Variants in ACMSD observed in about 807,000 individuals in gnomAD.
The protein encoded by ACMSD is aminocarboxymuconate semialdehyde decarboxylase, also known as 2-amino-3-carboxymuconate-6-semialdehyde decarboxylase.
Under a neutral mutation model 45.9 loss-of-function variants are expected in ACMSD, and 37 were observed. That is an observed-to-expected ratio of 0.81 (90% CI 0.62 to 1.06). The LOEUF is 1.06. Among genes scored for constraint, ACMSD ranks in the 50% least tolerant of loss-of-function variants. The pLI, the probability that ACMSD is intolerant of heterozygous loss-of-function variation, is 0.00. For missense variants in ACMSD, 434 were observed against 420.9 expected (o/e 1.03, Z -0.27); for synonymous variants, 138 against 148.8 (o/e 0.93, Z 0.53).
intron 9 of ACMSD, among the ~76,000 whole-genome samples, chr2:134,899,606 C>T (rs1248550244): frequency 6.6e-6 from 1 of 151,888 alleles, no homozygotes; most frequent in Non-Finnish European, 1.5e-5. Flanking sequence ...TTATTACATG[C>T]CTTTTATTGT....
chr2:134,888,050 C>T (rs945521610), intron 8 of ACMSD, among the ~76,000 whole-genome samples: 4 of 152,210 alleles, frequency 2.6e-5, no homozygotes, highest in Non-Finnish European at 5.9e-5. Context: ...AACACTTTAG[C>T]TCATCCTAAG....
At chr2:134,875,236 C>T (rs573758584) in intron 8 of ACMSD, among the ~76,000 whole-genome samples, 5 of 152,188 alleles carry the variant, frequency 3.3e-5, no homozygotes, top group Non-Finnish European at 5.9e-5. Flanking sequence ...CAGCAATCTG[C>T]CTGCCTCAAC....
chr2:134,876,033 C>T (rs944439898), intron 8 of ACMSD, among the ~76,000 whole-genome samples: 18 of 151,858 alleles, frequency 1.2e-4, no homozygotes, highest in African/African-American at 2.4e-4. Flanking sequence ...ATTTGTGTAG[C>T]GAAACATATC....
intron 7 of ACMSD, 123 bp from the exon 8 acceptor site, chr2:134,872,346 C>T: frequency 9.4e-7 from 1 of 1,063,720 alleles, no homozygotes; most frequent in African/African-American, 1.6e-5. Flanking sequence ...ATTCAGAACA[C>T]AATAGGTCCT....
intron 4 of ACMSD, chr2:134,862,972 G>A (rs1687916955): frequency 1.0e-6 from 1 of 985,348 alleles, no homozygotes; most frequent in African/African-American, 1.7e-5. Flanking sequence ...CAGTGAGCCA[G>A]CCTGGCGGCC....
intron 6 of ACMSD, 38 bp from the exon 7 acceptor site, chr2:134,870,927 T>G: frequency 6.4e-7 from 1 of 1,552,824 alleles, no homozygotes; most frequent in Admixed American, 1.7e-5. Context: ...CTTGGTGGGG[T>G]GATCATCCCT....
At chr2:134,882,371 T>C (rs992546951) in intron 8 of ACMSD, among the ~76,000 whole-genome samples, 1 of 152,136 alleles carries the variant, frequency 6.6e-6, no homozygotes, top group Non-Finnish European at 1.5e-5. Context: ...AAATATCAAG[T>C]CACTTACCCT....
chr2:134,855,748 C>T (rs898134711), intron 2 of ACMSD, among the ~76,000 whole-genome samples: 2 of 152,180 alleles, frequency 1.3e-5, no homozygotes, highest in African/African-American at 4.8e-5. Flanking sequence ...TGAAGTCTTC[C>T]TCATATATGT....
chr2:134,896,662 G>A lies in ACMSD; in HGVS notation c.850-1679G>A, dbSNP rs576887201. 4.0e-3 allele frequency among the ~76,000 whole-genome samples: 604 copies of A among 152,284 alleles called. 7 individuals carry two copies. Among genetic ancestry groups the A allele is most frequent in the Admixed American group, 4.2e-3 (64 of 15,288 alleles). ...AAAAAGATGAATAACCAATGTTGGC[G>A]AGGATCTGGAGAAACTGGAACCCTC... On this transcript the variant is annotated intron_variant, in intron 8 of 9. Transcript: ENST00000356140.
intron 8 of ACMSD, among the ~76,000 whole-genome samples, chr2:134,887,679 G>C (rs1050747725): frequency 6.6e-6 from 1 of 152,148 alleles, no homozygotes; most frequent in Admixed American, 6.5e-5. Flanking sequence ...GCTGGGATTA[G>C]TCATGAGCTG....
Position 134,871,013 on chromosome 2 carries a change from G to T in ACMSD, c.629G>T (p.Gly210Val), listed in dbSNP as rs763984016. The T allele has an allele frequency of 4.3e-6, 7 of 1,614,104 alleles. No homozygotes were observed. In the Admixed American group the frequency reaches 1.2e-4, roughly 27 times the overall value. The change falls in exon 7 of 10, where the codon GGA becomes GTA. Residue 210 changes from glycine to valine, a missense_variant. Physicochemically the swap from Gly to Val is moderately radical, Grantham distance 109 (BLOSUM62 -3). Transcript: ENST00000356140. ...TIAICSMIMG[G>V]VFEKFPKLKV... ...GCCATTTGCTCCATGATCATGGGTG[G>T]AGTATTTGAGAAGTTTCCCAAACTG...
chr2:134,889,708 T>G (rs747666694), intron 8 of ACMSD, among the ~76,000 whole-genome samples: 1 of 152,134 alleles, frequency 6.6e-6, no homozygotes, highest in Non-Finnish European at 1.5e-5. Flanking sequence ...ATATAGGATT[T>G]GAGCATCTGA....
chr2:134,849,352 C>T (rs1198983040), intron 2 of ACMSD, among the ~76,000 whole-genome samples: 1 of 152,056 alleles, frequency 6.6e-6, no homozygotes. Flanking sequence ...AAAAACAAAA[C>T]AAAGCAAACC....
chr2:134,840,519 C>T (rs1042108123), intron 1 of ACMSD, among the ~76,000 whole-genome samples: 1 of 152,114 alleles, frequency 6.6e-6, no homozygotes, highest in African/African-American at 2.4e-5. Flanking sequence ...GTAATGAGAG[C>T]AGAGCCCTCA....
intron 8 of ACMSD, among the ~76,000 whole-genome samples, chr2:134,886,526 G>A (rs1410991623): frequency 6.6e-6 from 1 of 152,016 alleles, no homozygotes; most frequent in South Asian, 2.1e-4. Context: ...TGGGATTACA[G>A]GCGTGAGCCA....
chr2:134,851,533 A>AC (rs1389922659), intron 2 of ACMSD, among the ~76,000 whole-genome samples: 2 of 151,734 alleles, frequency 1.3e-5, no homozygotes, highest in African/African-American at 2.4e-5. Context: ...ACCTCCGCCT[A>AC]CTGGGTTCAA....
intron 8 of ACMSD, among the ~76,000 whole-genome samples, chr2:134,889,952 T>C (rs948037702): frequency 6.6e-6 from 1 of 152,144 alleles, no homozygotes; most frequent in Non-Finnish European, 1.5e-5. Context: ...CATATATATT[T>C]AATTTACATA....
intron 8 of ACMSD, among the ~76,000 whole-genome samples, chr2:134,883,409 CAT>C (rs1404179522): frequency 6.6e-6 from 1 of 152,202 alleles, no homozygotes; most frequent in Non-Finnish European, 1.5e-5. Context: ...AAGGCCATAT[CAT>C]ATGACTCCTT....
intron 8 of ACMSD, among the ~76,000 whole-genome samples, chr2:134,882,451 A>C (rs567252362): frequency 4.3e-4 from 66 of 152,360 alleles, no homozygotes; most frequent in Non-Finnish European, 7.2e-4. Flanking sequence ...ACGAGTTAAC[A>C]TAATACTATG....
Sources: gnomAD v4.1 joint callset for allele counts (sites outside exome capture counted in the v4.1 genomes callset) on GRCh38, gnomAD v4.1.1 for gene constraint, MANE v1.5 for transcripts, NCBI Gene and HGNC (gene_info 2026-07-23, HGNC 2026-07-21) for gene names.